The following SGCZ variants were observed in gnomAD, a reference collection of about 807,000 sequenced individuals.
SGCZ encodes zeta-sarcoglycan.
Under a neutral mutation model 41.3 loss-of-function variants are expected in SGCZ, and 40 were observed. The observed-to-expected ratio is 0.97, with a 90% CI of 0.75 to 1.26. The LOEUF (loss-of-function observed/expected upper bound fraction) is 1.26, where lower values mean the gene tolerates loss of function less well. Ranked by LOEUF, SGCZ falls within the 50% of genes most tolerant of loss-of-function variation. SGCZ has a pLI of 0.00. For synonymous variants in SGCZ, 206 were observed against 137.5 expected (o/e 1.50, Z -3.49); for missense variants, 552 against 369.8 (o/e 1.49, Z -4.04).
intron 1 of SGCZ, among the ~76,000 whole-genome samples, chr8:14,645,628 T>A (rs1466401276): frequency 6.6e-6 from 1 of 151,470 alleles, no homozygotes; most frequent in East Asian, 1.9e-4. Flanking sequence ...GATCTTTTCC[T>A]ATCTTGGAAC....
chr8:14,439,526 A>C (rs1048920317), intron 2 of SGCZ, among the ~76,000 whole-genome samples: 7 of 151,774 alleles, frequency 4.6e-5, no homozygotes, highest in Admixed American at 1.3e-4. Flanking sequence ...CAGACCCAAC[A>C]ATCTTTCCCA....
chr8:15,185,273 A>T (rs999409858), intron 1 of SGCZ, among the ~76,000 whole-genome samples: 1 of 152,228 alleles, frequency 6.6e-6, no homozygotes, highest in African/African-American at 2.4e-5. Flanking sequence ...AATTAACAAC[A>T]GCAGATTTTT....
chr8:14,828,789 T>C lies in SGCZ; in HGVS notation c.40-273863A>G, dbSNP rs150513146. 8.7e-4 allele frequency among the ~76,000 whole-genome samples: 132 copies of C among 152,274 alleles called. 1 individual carries two copies. The East Asian group carries it at 0.01, about 12-fold the overall frequency. On this transcript the variant is annotated intron_variant, in intron 1 of 7. Transcript: ENST00000382080. ...TTGAGAGAATCATCAACTAAAGCTT[T>C]AGCAGAAAAATGCCCATGCCCGAGA...
intron 3 of SGCZ, among the ~76,000 whole-genome samples, chr8:14,281,011 T>C (rs1418541464): frequency 6.6e-6 from 1 of 151,874 alleles, no homozygotes; most frequent in Non-Finnish European, 1.5e-5. Flanking sequence ...ATCAGACAAA[T>C]TTATTTCCCT....
intron 2 of SGCZ, among the ~76,000 whole-genome samples, chr8:14,424,909 C>A (rs933173791): frequency 7.2e-5 from 11 of 152,094 alleles, no homozygotes; most frequent in African/African-American, 2.7e-4. Context: ...TATGTATTAT[C>A]AGTTTAGCCT....
chr8:14,234,494 C>T (rs1563201863), intron 4 of SGCZ, among the ~76,000 whole-genome samples: 1 of 151,884 alleles, frequency 6.6e-6, no homozygotes, highest in Non-Finnish European at 1.5e-5. Flanking sequence ...TTGACTATAC[C>T]TTTCTAACAG....
intron 1 of SGCZ, among the ~76,000 whole-genome samples, chr8:15,061,291 C>A (rs563384014): frequency 6.6e-6 from 1 of 150,572 alleles, no homozygotes; most frequent in South Asian, 2.1e-4. Context: ...GAACAGAAAA[C>A]CAAACACCAC....
intron 5 of SGCZ, among the ~76,000 whole-genome samples, chr8:14,146,892 AT>A (rs745952218): frequency 0.04 from 5,616 of 141,328 alleles, 588 homozygotes; most frequent in African/African-American, 0.11. Context: ...AATAAAAAAA[AT>A]AATAATAATA....
At chr8:15,234,140 C>T (rs1238690581) in intron 1 of SGCZ, among the ~76,000 whole-genome samples, 1 of 152,096 alleles carries the variant, frequency 6.6e-6, no homozygotes, top group Non-Finnish European at 1.5e-5. Context: ...AGTGTCAGCT[C>T]TAAAACTTAG....
intron 2 of SGCZ, among the ~76,000 whole-genome samples, chr8:14,414,376 C>T (rs1415728502): frequency 6.6e-6 from 1 of 151,782 alleles, no homozygotes; most frequent in Non-Finnish European, 1.5e-5. Context: ...ATTGAGTGTG[C>T]ATAGGAACTC....
intron 1 of SGCZ, among the ~76,000 whole-genome samples, chr8:14,809,188 A>G (rs1171102470): frequency 1.3e-5 from 2 of 152,178 alleles, no homozygotes; most frequent in Admixed American, 1.3e-4. Context: ...TATGTAACTA[A>G]GCTGCACAAT....
At chr8:15,097,423 T>C (rs1056037057) in intron 1 of SGCZ, among the ~76,000 whole-genome samples, 3 of 151,976 alleles carry the variant, frequency 2.0e-5, no homozygotes, top group Non-Finnish European at 4.4e-5. Flanking sequence ...GCACCTCCAC[T>C]TAAAACATTT....
chr8:14,357,839 T>A (rs1384265000), intron 2 of SGCZ, among the ~76,000 whole-genome samples: 2 of 152,190 alleles, frequency 1.3e-5, no homozygotes, highest in East Asian at 3.9e-4. Context: ...ATTTTCTTGC[T>A]AACTCCAAAA....
intron 3 of SGCZ, among the ~76,000 whole-genome samples, chr8:14,260,519 C>T (rs1338415268): frequency 3.4e-5 from 5 of 146,640 alleles, no homozygotes; most frequent in Admixed American, 1.4e-4. Context: ...CTAGTTCAAC[C>T]ATTGTGGAAG....
intron 1 of SGCZ, among the ~76,000 whole-genome samples, chr8:14,623,065 G>T (rs1337875386): frequency 6.6e-6 from 1 of 152,222 alleles, no homozygotes; most frequent in African/African-American, 2.4e-5. Context: ...ACCAAAACAA[G>T]CACCACCCTC....
intron 1 of SGCZ, among the ~76,000 whole-genome samples, chr8:14,734,122 G>A (rs1798956733): frequency 6.6e-6 from 1 of 152,178 alleles, no homozygotes; most frequent in Admixed American, 6.5e-5. Flanking sequence ...AGTCAGAGGA[G>A]GAACTGCAGG....
chr8:14,151,050 G>C (rs1196122505), intron 5 of SGCZ, among the ~76,000 whole-genome samples: 1 of 152,114 alleles, frequency 6.6e-6, no homozygotes, highest in Non-Finnish European at 1.5e-5. Flanking sequence ...CGTCAGGTGA[G>C]GTGGGAATGG....
chr8:14,268,654 A>G (rs1799957845), intron 3 of SGCZ, among the ~76,000 whole-genome samples: 1 of 151,934 alleles, frequency 6.6e-6, no homozygotes, highest in South Asian at 2.1e-4. Flanking sequence ...TAACAAAAAT[A>G]AATATATTTT....
intron 7 of SGCZ, among the ~76,000 whole-genome samples, chr8:14,102,104 AATTTT>A (rs1182974679): frequency 1.3e-5 from 1 of 76,312 alleles, no homozygotes; most frequent in African/African-American, 6.3e-5. Flanking sequence ...ATATATATAT[AATTTT>A]TTTTTTTTTT....
Sources: gnomAD v4.1 joint callset for allele counts (sites outside exome capture counted in the v4.1 genomes callset) on GRCh38, gnomAD v4.1.1 for gene constraint, MANE v1.5 for transcripts, NCBI Gene and HGNC (gene_info 2026-07-23, HGNC 2026-07-21) for gene names.